VWC2: variants seen among roughly 807,000 people sequenced by gnomAD.
The protein encoded by VWC2 is brorin.
VWC2 carries 14 observed loss-of-function variants against 29.8 expected under a neutral mutation model. The observed-to-expected ratio is 0.47, with a 90% CI of 0.31 to 0.74. The LOEUF is 0.74. Among genes scored for constraint, VWC2 ranks in the 30% least tolerant of loss-of-function variants. The pLI is 0.05. For synonymous variants in VWC2, 213 were observed against 199.0 expected, an observed-to-expected ratio of 1.07 and a Z score of -0.59; for missense variants, 457 against 459.8, an observed-to-expected ratio of 0.99 and a Z score of 0.05.
chr7:49,907,073 A>C (rs551502224), intron 3 of VWC2, among the ~76,000 whole-genome samples: 1 of 152,334 alleles, frequency 6.6e-6, no homozygotes, highest in South Asian at 2.1e-4. Flanking sequence ...GGGTCTGTGT[A>C]TGGATGTGGA....
intron 3 of VWC2, among the ~76,000 whole-genome samples, chr7:49,883,531 A>G (rs1343083126): frequency 6.6e-6 from 1 of 152,218 alleles, no homozygotes; most frequent in African/African-American, 2.4e-5. Flanking sequence ...CATATTGGCC[A>G]ATGTTCAAAA....
intron 3 of VWC2, among the ~76,000 whole-genome samples, chr7:49,841,971 A>C (rs1228273678): frequency 1.3e-5 from 2 of 151,946 alleles, no homozygotes; most frequent in African/African-American, 4.8e-5. Flanking sequence ...GGTTCAAGCG[A>C]TTCTCCTGTC....
chr7:49,814,348 G>A (rs376281947), intron 3 of VWC2, among the ~76,000 whole-genome samples: 8 of 151,968 alleles, frequency 5.3e-5, no homozygotes, highest in East Asian at 3.9e-4. Flanking sequence ...ATAGTACTCC[G>A]ATCTTTTCAT....
At chr7:49,840,938 G>A (rs1789779929) in intron 3 of VWC2, among the ~76,000 whole-genome samples, 1 of 152,170 alleles carries the variant, frequency 6.6e-6, no homozygotes, top group South Asian at 2.1e-4. Context: ...GTTAACATGA[G>A]TGACTTGATG....
chr7:49,794,533 G>A (rs1788541326), intron 2 of VWC2, among the ~76,000 whole-genome samples: 1 of 152,204 alleles, frequency 6.6e-6, no homozygotes, highest in African/African-American at 2.4e-5. Context: ...GTATGTATGG[G>A]TGCTGGGCCC....
chr7:49,792,379 G>C (rs1392938397), intron 2 of VWC2, among the ~76,000 whole-genome samples: 2 of 152,310 alleles, frequency 1.3e-5, no homozygotes, highest in Non-Finnish European at 2.9e-5. Context: ...AATTGGGCTT[G>C]ATTATCCTCT....
At chr7:49,893,330 T>C (rs1268971155) in intron 3 of VWC2, among the ~76,000 whole-genome samples, 1 of 152,208 alleles carries the variant, frequency 6.6e-6, no homozygotes, top group Admixed American at 6.5e-5. Context: ...TATTCCTGCA[T>C]AGCACTCCCT....
At position 49,792,289 on chromosome 7, in the gene VWC2, C is replaced by T. The variant is rs375994976; in HGVS notation, c.697-10422C>T. 4.6e-5 allele frequency among the ~76,000 whole-genome samples: 7 copies of T among 152,204 alleles called. No individual in the cohort carries two copies. The South Asian group carries it at 6.2e-4, about 14-fold the overall frequency. On this transcript the variant is annotated intron_variant, in intron 2 of 3. Transcript: ENST00000340652. ...AGCACTTTGCCAACAGCAATTTAAC[C>T]ATCCTCATTTTACAGATAAAAAGAC...
chr7:49,831,761 T>C, intron 3 of VWC2, among the ~76,000 whole-genome samples: 1 of 152,174 alleles, frequency 6.6e-6, no homozygotes, highest in East Asian at 1.9e-4. Context: ...AATAAAAACA[T>C]AAACCCAAAC....
intron 3 of VWC2, among the ~76,000 whole-genome samples, chr7:49,826,440 C>T (rs1789393273): frequency 1.3e-5 from 2 of 152,208 alleles, no homozygotes; most frequent in Non-Finnish European, 2.9e-5. Context: ...GTGAGACTCA[C>T]AGACAGTCAT....
At chr7:49,843,412 C>T (rs1789846384) in intron 3 of VWC2, among the ~76,000 whole-genome samples, 1 of 152,086 alleles carries the variant, frequency 6.6e-6, no homozygotes, top group African/African-American at 2.4e-5. Flanking sequence ...CAAATGTTTT[C>T]AGAGATTGTT....
intron 3 of VWC2, chr7:49,850,653 A>T (rs1354946486): frequency 6.6e-6 from 1 of 152,240 alleles, no homozygotes; most frequent in African/African-American, 2.4e-5. Flanking sequence ...GTTTGTGATT[A>T]GGAGATGTAA....
intron 3 of VWC2, among the ~76,000 whole-genome samples, chr7:49,868,461 T>C (rs1409420416): frequency 6.6e-6 from 1 of 152,184 alleles, no homozygotes; most frequent in Non-Finnish European, 1.5e-5. Flanking sequence ...GGGGAGTATA[T>C]GTACTGTATT....
chr7:49,864,582 G>T (rs911348480), intron 3 of VWC2, among the ~76,000 whole-genome samples: 2 of 152,178 alleles, frequency 1.3e-5, no homozygotes, highest in Non-Finnish European at 2.9e-5. Flanking sequence ...GTAGTTGGCT[G>T]CAGGTTGTTG....
At chr7:49,872,980 C>G (rs483739) in intron 3 of VWC2, among the ~76,000 whole-genome samples, 17 of 140,500 alleles carry the variant, frequency 1.2e-4, no homozygotes, top group Admixed American at 4.2e-4. Flanking sequence ...AAATAATTCT[C>G]TAAATAATTA....
rs1358043766 is a variant in VWC2 at position 49,919,900 on chromosome 7, T to C, written c.*7715T>C. 6.6e-6 allele frequency: 1 copy of C among 152,218 alleles called. No individual in the cohort carries two copies. The highest frequency in any genetic ancestry group is 1.5e-5 in the Non-Finnish European group (1 of 68,038). The allele number at this position is 152,218 out of a possible 1,614,324, so 9.4% of individuals were successfully genotyped here. A position where few individuals can be genotyped will look rare whatever the true frequency, so the allele number is the denominator to read the frequency against. On this transcript the variant is annotated 3_prime_UTR_variant, in exon 4 of 4. Coordinates refer to ENST00000340652, the MANE Select transcript of VWC2 (RefSeq NM_198570.5). ...CAAAAATCATTATGTTCTATATATG[T>C]TTTTGTAGGTTTTAGATTAATTATG...
intron 2 of VWC2, among the ~76,000 whole-genome samples, chr7:49,794,105 A>G (rs1788526841): frequency 6.6e-6 from 1 of 152,172 alleles, no homozygotes; most frequent in South Asian, 2.1e-4. Flanking sequence ...GAAGAGAAGC[A>G]AGAATTTCTG....
chr7:49,779,336 T>G (rs1338877522), intron 2 of VWC2, among the ~76,000 whole-genome samples: 1 of 152,234 alleles, frequency 6.6e-6, no homozygotes, highest in Non-Finnish European at 1.5e-5. Flanking sequence ...TACAGCCTGT[T>G]TGATCTCAGT....
intron 2 of VWC2, among the ~76,000 whole-genome samples, chr7:49,783,797 C>A (rs1788231033): frequency 6.6e-6 from 1 of 152,124 alleles, no homozygotes; most frequent in Non-Finnish European, 1.5e-5. Context: ...TGCCTATAAT[C>A]CCGGCAGTTC....
Sources: allele counts gnomAD v4.1 joint callset (sites outside exome capture counted in the v4.1 genomes callset), GRCh38; gene constraint gnomAD v4.1.1; transcripts MANE v1.5; gene names NCBI Gene and HGNC (gene_info 2026-07-23, HGNC 2026-07-21).